Variants in CCAR2 observed in about 807,000 individuals in gnomAD.
CCAR2 encodes the protein cell cycle and apoptosis regulator 2.
CCAR2 carries 21 observed loss-of-function variants against 108.1 expected under a neutral mutation model. That is an observed-to-expected ratio of 0.19 (90% confidence interval 0.14 to 0.28). The LOEUF (loss-of-function observed/expected upper bound fraction) is 0.28. Ranked by LOEUF, CCAR2 falls within the 10% of genes least tolerant of loss-of-function variation. The probability of loss-of-function intolerance (pLI) is 1.00; values close to 1 mark genes in which losing one functional copy is unlikely to be tolerated. For synonymous variants in CCAR2, 577 were observed against 472.8 expected (o/e 1.22, Z -2.86); for missense variants, 1,126 against 1,177.0 (o/e 0.96, Z 0.63).
At chr8:22,615,950 A>C (rs1801489060) in intron 13 of CCAR2, 38 bp downstream of exon 13, 1 of 1,612,904 alleles carries the variant, frequency 6.2e-7, no homozygotes, top group African/African-American at 1.3e-5. Context: ...GTGGGCTGGG[A>C]TTTGTGGGCC....
At chr8:22,608,114 C>A in intron 7 of CCAR2, 49 bp downstream of exon 7, 1 of 1,384,960 alleles carries the variant, frequency 7.2e-7, no homozygotes, top group Non-Finnish European at 1.0e-6. Context: ...CACTAACATT[C>A]TCTTTATTTT....
At chr8:22,617,324 T>C in intron 14 of CCAR2, 96 bp from the exon 15 acceptor site, 2 of 1,408,964 alleles carry the variant, frequency 1.4e-6, no homozygotes, top group East Asian at 2.3e-5. Flanking sequence ...ATACAGTGCC[T>C]GGGGCATAGT....
At chr8:22,618,119 G>A in intron 16 of CCAR2, 1 of 609,794 alleles carries the variant, frequency 1.6e-6, no homozygotes. Context: ...TCGCTGTGTT[G>A]CCCAGGCTGG....
At position 22,615,427 on chromosome 8, in the gene CCAR2, G is replaced by T; in HGVS notation, c.1208G>T (p.Trp403Leu). The T allele has an allele frequency of 6.2e-7, 1 of 1,613,152 alleles. No homozygotes were observed. The highest frequency in any genetic ancestry group is 8.5e-7 in the Non-Finnish European group (1 of 1,179,612). The change falls in exon 12 of 21, where the codon TGG becomes TTG. Residue 403 changes from tryptophan (W) to leucine (L), a missense_variant and splice_region_variant. This residue lies in a region of CCAR2 where 1,013 missense variants were observed against 993.9 expected (regional missense o/e 1.02). Transcript: ENST00000308511. ...GTACCTCCTTTTGCCATGTGCAGGT[G>T]GCGCTTTGCCGAGTTTCAGTACCTG... Reference protein sequence around the residue: ...GIDLSGCTKWWRFAEFQYLQP... With the variant: ...GIDLSGCTKWLRFAEFQYLQP...
rs376184863 is a variant in CCAR2 at position 22,607,342 on chromosome 8, C to G, written c.487+17C>G. On this transcript the variant is annotated intron_variant, in intron 6 of 20. Transcript: ENST00000308511. ...CTCAGAAGCGTGAGTACGAGTGGCA[C>G]TGTTGTTGGGTGTGGCATTATGGGG... The G allele has an allele frequency of 1.8e-5, 29 of 1,607,608 alleles. No individual in the cohort carries two copies. Among genetic ancestry groups the G allele is most frequent in the Admixed American group, 5.0e-5 (3 of 59,970 alleles).
In CCAR2 at chr8:22,618,492, G is replaced by A; in HGVS notation, c.2217G>A (p.Glu739=). The change falls in exon 17 of 21, where the codon GAG becomes GAA. Residue 739 remains glutamate (E), a synonymous_variant. Transcript: ENST00000308511. Reference sequence around the variant, plus strand: ...CCCTTGGGATCCGGCTCAGTGCAGAGCAGGTACCTTCTTTCCTCTGCCCCA... The same window carrying A: ...CCCTTGGGATCCGGCTCAGTGCAGAACAGGTACCTTCTTTCCTCTGCCCCA... The part of the protein sequence containing the change: ...LLTLGIRLSA[E]QAKQLVSRVV... 1 of 1,614,234 alleles carries A rather than the reference G, an allele frequency of 6.2e-7. No individual in the cohort carries two copies.
downstream of CCAR2, chr8:22,620,891 A>G (rs981791190): frequency 3.3e-5 from 5 of 152,676 alleles, no homozygotes; most frequent in African/African-American, 1.2e-4. Flanking sequence ...TAGGTCCCAA[A>G]GCCACAAGGG....
At position 22,615,472 on chromosome 8, in the gene CCAR2, G is replaced by A. The variant is rs149267963; in HGVS notation, c.1253G>A (p.Arg418Gln). The A allele has an allele frequency of 5.0e-5, 80 of 1,613,938 alleles. 1 individual carries two copies. The East Asian group carries it at 1.3e-3, about 26-fold the overall frequency. Reference protein sequence around the residue: ...FQYLQPGPPRRLQTVVVYLPD... With the variant: ...FQYLQPGPPRQLQTVVVYLPD... The stretch of plus-strand genomic sequence containing the variant: ...TACCTGCAGCCGGGACCCCCCCGGC[G>A]GCTTCAGACAGTGGTGGTGTACCTG... Residue 418 changes from arginine (R) to glutamine (Q), a missense_variant, in exon 12 of 21, where the codon CGG becomes CAG. Coordinates refer to ENST00000308511, the MANE Select transcript of CCAR2 (RefSeq NM_001393997.1).
chr8:22,618,092 T>C (rs1312761800), intron 16 of CCAR2: 9 of 595,458 alleles, frequency 1.5e-5, no homozygotes, highest in Non-Finnish European at 2.1e-5. Context: ...GATGTTTTGT[T>C]TTTTAGAGAC....
Position 22,618,847 on chromosome 8 carries a change from C to G in CCAR2, c.2353C>G (p.Pro785Ala), listed in dbSNP as rs150629840. 2.9e-4 allele frequency: 475 copies of G among 1,613,832 alleles called. No homozygotes were observed. In the African/African-American group the frequency reaches 5.9e-3, roughly 20 times the overall value. ...TCTAGGAAACCTGGACCTGCTGCCC[C>G]CTCCTGGGAAAAGCACGAAGCCAGG... ...VLFGNLDLLP[P>A]PGKSTKPGAA... Residue 785 changes from proline to alanine, a missense_variant, in exon 19 of 21, where the codon CCT becomes GCT. Pro to Ala is a conservative substitution (Grantham distance 27, BLOSUM62 -1). Coordinates refer to ENST00000308511, the MANE Select transcript of CCAR2 (RefSeq NM_001393997.1).
intron 14 of CCAR2, 181 bp downstream of exon 14, chr8:22,616,429 C>G: frequency 1.6e-6 from 1 of 625,264 alleles, no homozygotes; most frequent in Middle Eastern, 4.3e-4. Flanking sequence ...GCGCAGAGTG[C>G]AGGGAGCATG....
At chr8:22,605,525 A>G in intron 1 of CCAR2, 1 of 546,658 alleles carries the variant, frequency 1.8e-6, no homozygotes, top group Non-Finnish European at 3.3e-6. Context: ...AGTATCATGC[A>G]CCACTAGGTT....
chr8:22,606,451 G>A, intron 3 of CCAR2, 156 bp from the exon 4 acceptor site: 1 of 661,114 alleles, frequency 1.5e-6, no homozygotes, highest in Admixed American at 2.5e-5. Context: ...AACCCCTAAT[G>A]ATGGAGTATG....
chr8:22,621,398 G>C (rs367825147), downstream of CCAR2: 8 of 1,606,352 alleles, frequency 5.0e-6, no homozygotes, highest in African/African-American at 9.4e-5. Flanking sequence ...CACGTCACAG[G>C]AGTCCTCCAA....
chr8:22,615,283 G>A (rs1801455461), intron 11 of CCAR2, 142 bp from the exon 12 acceptor site: 1 of 1,097,644 alleles, frequency 9.1e-7, no homozygotes, highest in Non-Finnish European at 1.3e-6. Context: ...TTGGTCTGTA[G>A]CTTTCCTGTT....
At chr8:22,605,707 C>A (rs1217949700) in intron 1 of CCAR2, 29 bp from the exon 2 acceptor site, 1 of 1,332,414 alleles carries the variant, frequency 7.5e-7, no homozygotes, top group Non-Finnish European at 1.1e-6. Context: ...CCCTTATAAG[C>A]TGTTAATTTC....
At chr8:22,615,087 G>C (rs1801445781) in intron 11 of CCAR2, 86 bp downstream of exon 11, 4 of 1,427,974 alleles carry the variant, frequency 2.8e-6, no homozygotes, top group Non-Finnish European at 3.7e-6. Flanking sequence ...GCCCCTTTCT[G>C]CTGGTTAGCT....
chr8:22,619,159 A>G lies in CCAR2; in HGVS notation c.2531A>G (p.His844Arg), dbSNP rs1344304408. The G allele has an allele frequency of 1.9e-6, 3 of 1,603,214 alleles. No individual in the cohort carries two copies. Among genetic ancestry groups the G allele is most frequent in the Non-Finnish European group, 2.6e-6 (3 of 1,175,264 alleles). Residue 844 changes from histidine to arginine, a missense_variant, in exon 20 of 21, where the codon CAT becomes CGT. His to Arg is a conservative substitution (Grantham distance 29, BLOSUM62 0). Transcript: ENST00000308511. ...HTLELKLEES[H>R]NRFSATEVTN... ...CTTCTCCACCTTGCAGAGGAGAGCC[A>G]TAACCGTTTCTCAGCCACTGAAGTA...
chr8:22,613,366 T>G (rs907298736), intron 8 of CCAR2, among the ~76,000 whole-genome samples: 2 of 75,878 alleles, frequency 2.6e-5, no homozygotes, highest in Non-Finnish European at 3.3e-5. Context: ...TTTTTTTTTT[T>G]TTTTTTTTTT....
Sources: gnomAD v4.1 joint callset for allele counts (sites outside exome capture counted in the v4.1 genomes callset) on GRCh38, gnomAD v4.1.1 for gene constraint, gnomAD v4.1.1 regional missense constraint, MANE v1.5 for transcripts, NCBI Gene and HGNC (gene_info 2026-07-23, HGNC 2026-07-21) for gene names.